The following MIGA2 variants were observed in gnomAD, a reference collection of about 807,000 sequenced individuals.
MIGA2 encodes the protein mitoguardin 2, also known as family with sequence similarity 73, member B.
A neutral mutation model predicts 69.9 loss-of-function variants in MIGA2; 36 were observed. The ratio of observed to expected loss-of-function variants is 0.52; its 90% CI spans 0.39 to 0.68. MIGA2 has a LOEUF of 0.68. MIGA2 is among the 30% of genes least tolerant of loss of function. The probability of loss-of-function intolerance (pLI) is 0.00; values close to 1 mark genes in which losing one functional copy is unlikely to be tolerated. For missense variants in MIGA2, 660 were observed against 787.7 expected (o/e 0.84, Z 1.94); for synonymous variants, 333 against 349.2 (o/e 0.95, Z 0.52).
chr9:129,067,901 C>A, intron 12 of MIGA2, 30 bp downstream of exon 12: 1 of 1,593,200 alleles, frequency 6.3e-7, no homozygotes. Flanking sequence ...ACCCCGACAT[C>A]CCGGGCTCCC....
In MIGA2 at chr9:129,045,134, G is replaced by C. The variant is rs1478199623; in HGVS notation, c.307+2620G>C. Among the ~76,000 whole-genome samples the C allele has an allele frequency of 3.4e-5, 5 of 147,564 alleles. No homozygotes were observed. The East Asian group carries it at 1.0e-3, about 30-fold the overall frequency. On this transcript the variant is annotated intron_variant, in intron 3 of 15. Transcript: ENST00000684074. ...CCACTGCACTCCAACCTGGGCGACA[G>C]AGCGAGACTCTATCTCAAAAAAAAA... is the stretch of plus-strand genomic sequence containing the variant.
At chr9:129,067,634 A>G (rs780639204) in intron 11 of MIGA2, 139 bp from the exon 12 acceptor site, 4 of 724,312 alleles carry the variant, frequency 5.5e-6, no homozygotes, top group Non-Finnish European at 9.3e-6. Context: ...AGTAGGAGAC[A>G]CTTCTCTGCC....
At position 129,055,848 on chromosome 9, in the gene MIGA2, G is replaced by GAA. The variant is rs561485747; in HGVS notation, c.676-3291_676-3290dup. Among the ~76,000 whole-genome samples, 617 of 135,528 alleles carry GAA rather than the reference G, an allele frequency of 4.6e-3. 9 individuals are homozygous for GAA. The highest frequency in any genetic ancestry group is 0.015 in the African/African-American group (553 of 37,032). 88.9% of individuals were successfully genotyped at this position (135,528 alleles called of 152,430 possible). A position where few individuals can be genotyped will look rare whatever the true frequency, so the allele number is the denominator to read the frequency against. ...TGGGCGACAGAGCCAGACTCCATCT[G>GAA]AAAAAAAAAAAAAAAATTTGGCCGG... On this transcript the variant is annotated intron_variant, in intron 6 of 15. Transcript: ENST00000684074.
intron 6 of MIGA2, among the ~76,000 whole-genome samples, chr9:129,052,940 G>A (rs186103850): frequency 1.2e-3 from 185 of 152,264 alleles, no homozygotes; most frequent in African/African-American, 4.0e-3. Context: ...GTTGGTGAGG[G>A]GGACTCAAGG....
intron 11 of MIGA2, 24 bp downstream of exon 11, chr9:129,063,655 G>GGGC: frequency 4.0e-5 from 26 of 645,712 alleles, no homozygotes; most frequent in East Asian, 7.4e-5. Flanking sequence ...GGGTGGGGGG[G>GGGC]CAAATTATAA....
rs1308387384 is a variant in MIGA2, at chr9:129,060,835, T to G, written c.894+185T>G. ...GGTGCTGAGAAATCGGGGGCTGTTG[T>G]CCTGTGGGTGAGAGCAGGGGTTCCA... On this transcript the variant is annotated intron_variant, in intron 8 of 15. Coordinates refer to ENST00000684074, the MANE Select transcript of MIGA2 (RefSeq NM_001329990.2). This position sits in a 1 kb window ranked among gnomAD's most constrained non-coding sequence, Gnocchi z 4.8. Among the ~76,000 whole-genome samples, 1 of 152,040 alleles carries G rather than the reference T, an allele frequency of 6.6e-6. No individual in the cohort carries two copies. Among genetic ancestry groups the G allele is most frequent in the Non-Finnish European group, 1.5e-5 (1 of 67,962 alleles).
rs1291784740 is a variant in MIGA2 at position 129,059,048 on chromosome 9, G to A, written c.676-106G>A. 1.1e-6 allele frequency: 1 copy of A among 938,490 alleles called. No individual in the cohort carries two copies. The allele number at this position is 938,490 out of a possible 1,614,324, so 58.1% of individuals were successfully genotyped here. On this transcript the variant is annotated intron_variant, in intron 6 of 15. Transcript: ENST00000684074. The surrounding 1 kb of genome is among the most constrained non-coding windows in gnomAD (Gnocchi z 5.6). ...TGGAGTTTATGTGCTTAGCTGCTGG[G>A]TCCTAGAGCTCCTCCCCTTTCCCCA...
At chr9:129,049,603 GC>G in intron 5 of MIGA2, 105 bp downstream of exon 5, 2 of 1,281,086 alleles carry the variant, frequency 1.6e-6, no homozygotes, top group Non-Finnish European at 2.2e-6. Context: ...TCACTACCCT[GC>G]CCCAAATCCC....
chr9:129,050,779 G>C (rs1211103971), intron 6 of MIGA2, among the ~76,000 whole-genome samples: 1 of 151,998 alleles, frequency 6.6e-6, no homozygotes, highest in Admixed American at 6.6e-5. Context: ...CACCACATTG[G>C]CCAGGCTGGT....
intron 6 of MIGA2, among the ~76,000 whole-genome samples, chr9:129,053,762 G>C (rs946618462): frequency 6.6e-6 from 1 of 152,182 alleles, no homozygotes; most frequent in Non-Finnish European, 1.5e-5. Context: ...GAGGTGGGAG[G>C]ATTGTTTGAG....
intron 11 of MIGA2, among the ~76,000 whole-genome samples, chr9:129,064,745 T>C (rs1198242871): frequency 6.6e-6 from 1 of 151,772 alleles, no homozygotes; most frequent in Non-Finnish European, 1.5e-5. Context: ...GGGCTTTACA[T>C]ATGCTGGTCT....
At chr9:129,038,989 T>C (rs1190051219) in intron 1 of MIGA2, among the ~76,000 whole-genome samples, 1 of 151,428 alleles carries the variant, frequency 6.6e-6, no homozygotes, top group Non-Finnish European at 1.5e-5. Flanking sequence ...GAGACGGGGT[T>C]TCACCATGTT....
At chr9:129,038,789 CTTTTTT>C (rs869238538) in intron 1 of MIGA2, among the ~76,000 whole-genome samples, 268 of 89,036 alleles carry the variant, frequency 3.0e-3, no homozygotes, top group Middle Eastern at 0.024. Flanking sequence ...TTTTGTTTGT[CTTTTTT>C]TTTTTTTTTT....
At chr9:129,049,716 C>T in intron 5 of MIGA2, 111 bp from the exon 6 acceptor site, 2 of 1,546,750 alleles carry the variant, frequency 1.3e-6, no homozygotes, top group South Asian at 2.3e-5. Context: ...CCACACGGTC[C>T]CACCCAGTTC....
chr9:129,040,180 G>C (rs1350833748), intron 1 of MIGA2, among the ~76,000 whole-genome samples: 1 of 152,130 alleles, frequency 6.6e-6, no homozygotes, highest in East Asian at 1.9e-4. Flanking sequence ...AAGTCTGAGA[G>C]TGACCTGTCC....
chr9:129,063,722 A>G, intron 11 of MIGA2, 91 bp downstream of exon 11: 3 of 1,194,610 alleles, frequency 2.5e-6, no homozygotes, highest in Non-Finnish European at 3.6e-6. Flanking sequence ...ACCCCTGTGC[A>G]CAGGCTGATA....
intron 15 of MIGA2, 98 bp downstream of exon 15, chr9:129,070,063 T>C: frequency 7.8e-7 from 1 of 1,275,294 alleles, no homozygotes; most frequent in Non-Finnish European, 1.1e-6. Context: ...GGCCTGGGCC[T>C]GCTCCCAGAG....
chr9:129,066,041 T>C (rs993247589), intron 11 of MIGA2, among the ~76,000 whole-genome samples: 2 of 152,330 alleles, frequency 1.3e-5, no homozygotes, highest in South Asian at 4.1e-4. Context: ...TCGGATATTC[T>C]CCTGGCAGTG....
intron 6 of MIGA2, among the ~76,000 whole-genome samples, chr9:129,053,219 A>G (rs1334279145): frequency 1.3e-5 from 2 of 152,134 alleles, no homozygotes; most frequent in Non-Finnish European, 2.9e-5. Context: ...GGCCTGGTCC[A>G]TAGTAGGTGC....
Sources: allele counts gnomAD v4.1 joint callset (sites outside exome capture counted in the v4.1 genomes callset), GRCh38; gene constraint gnomAD v4.1.1; non-coding constraint Gnocchi (gnomAD v3.1); transcripts MANE v1.5; gene names NCBI Gene and HGNC (gene_info 2026-07-23, HGNC 2026-07-21).